LIG1: variants seen among roughly 807,000 people sequenced by gnomAD.
The protein encoded by LIG1 is ligase I, DNA, ATP-dependent.
Under a neutral mutation model 115.7 loss-of-function variants are expected in LIG1, and 70 were observed. The ratio of observed to expected loss-of-function variants is 0.60; its 90% CI spans 0.50 to 0.74. LIG1 has a LOEUF of 0.74. LIG1 is among the 30% of genes least tolerant of loss of function. The probability of loss-of-function intolerance (pLI) is 0.00; values close to 1 mark genes in which losing one functional copy is unlikely to be tolerated. For missense variants in LIG1, 1,115 were observed against 1,225.6 expected, an observed-to-expected ratio of 0.91 and a Z score of 1.35; for synonymous variants, 487 against 495.3, an observed-to-expected ratio of 0.98 and a Z score of 0.22.
At chr19:48,136,782 C>T (rs2034418331) in intron 14 of LIG1, among the ~76,000 whole-genome samples, 1 of 152,238 alleles carries the variant, frequency 6.6e-6, no homozygotes, top group South Asian at 2.1e-4. Flanking sequence ...GCTTCACCCA[C>T]AGGGGCCCAG....
chr19:48,140,826 A>G (rs759967242), intron 11 of LIG1, among the ~76,000 whole-genome samples: 2 of 151,964 alleles, frequency 1.3e-5, no homozygotes, highest in African/African-American at 4.8e-5. Flanking sequence ...CTCCCCACTT[A>G]CCAAGCCCCT....
intron 11 of LIG1, 104 bp from the exon 12 acceptor site, chr19:48,140,247 A>C: frequency 1.3e-6 from 1 of 752,778 alleles, no homozygotes; most frequent in Non-Finnish European, 2.2e-6. Context: ...GAAATGGAGA[A>C]AGAAGAGGAA....
At chr19:48,125,856 T>G (rs1036709246) in intron 21 of LIG1, among the ~76,000 whole-genome samples, 11 of 151,840 alleles carry the variant, frequency 7.2e-5, no homozygotes, top group African/African-American at 2.7e-4. Context: ...GGCGTGGTGG[T>G]GCACGCCTGT....
At position 48,151,117 on chromosome 19, in the gene LIG1, C is replaced by A. The variant is rs2035446915; in HGVS notation, c.574+115G>T. ...AAAACTATTATTCTTCTAGATTCGG[C>A]ATTTAAGCAATAAGTTTGAGAATCT... On this transcript the variant is annotated intron_variant, in intron 7 of 27. Coordinates refer to ENST00000263274, the MANE Select transcript of LIG1 (RefSeq NM_000234.3). The A allele has an allele frequency of 4.5e-6, 3 of 671,596 alleles. No homozygotes were observed. In the African/African-American group the frequency reaches 5.4e-5, roughly 12 times the overall value. The allele number at this position is 671,596 out of a possible 1,614,324, so 41.6% of individuals were successfully genotyped here.
At chr19:48,162,203 C>T in intron 3 of LIG1, 59 bp downstream of exon 3, 1 of 1,497,816 alleles carries the variant, frequency 6.7e-7, no homozygotes, top group Non-Finnish European at 9.3e-7. Context: ...ACACTTGCAA[C>T]CAAGACAATC....
In LIG1 at chr19:48,117,744, A is replaced by G; in HGVS notation, c.2477T>C (p.Ile826Thr). 1.2e-6 allele frequency: 2 copies of G among 1,613,236 alleles called. No homozygotes were observed. Among genetic ancestry groups the G allele is most frequent in the Non-Finnish European group, 1.7e-6 (2 of 1,179,822 alleles). Reference protein sequence around the residue: ...VLPSPRPYVRIDGAVIPDHWL... With the variant: ...VLPSPRPYVRTDGAVIPDHWL... ...GTGGTCGGGAATCACAGCGCCATCT[A>G]TCCGCACGTAAGGGCGTGGGCTGGG... Residue 826 changes from isoleucine (I) to threonine (T), a missense_variant, in exon 26 of 28, where the codon ATA becomes ACA. Coordinates refer to ENST00000263274, the MANE Select transcript of LIG1 (RefSeq NM_000234.3).
intron 8 of LIG1, 111 bp from the exon 9 acceptor site, chr19:48,149,952 T>C (rs1055593469): frequency 1.0e-4 from 163 of 1,553,844 alleles, no homozygotes; most frequent in South Asian, 5.3e-4. Context: ...GGAGACAGGC[T>C]GGTAGAGACA....
chr19:48,129,112 G>A (rs73054038), intron 19 of LIG1, among the ~76,000 whole-genome samples: 21,184 of 151,876 alleles, frequency 0.14, 1,898 homozygotes, highest in Middle Eastern at 0.26. Flanking sequence ...GCGTGCAGTG[G>A]TGCAATCTCC....
At position 48,161,379 on chromosome 19, in the gene LIG1, T is replaced by G. The variant is rs1369310008; in HGVS notation, c.236A>C (p.Lys79Thr). The G allele has an allele frequency of 6.2e-7, 1 of 1,614,162 alleles. No homozygotes were observed. The highest frequency in any genetic ancestry group is 2.2e-5 in the East Asian group (1 of 44,866). The change falls in exon 4 of 28, where the codon AAA becomes ACA. Residue 79 changes from lysine to threonine, a missense_variant. By Grantham distance (78) the Lys-to-Thr change is moderately conservative (BLOSUM62 -1). Coordinates refer to ENST00000263274, the MANE Select transcript of LIG1 (RefSeq NM_000234.3). The stretch of plus-strand genomic sequence containing the variant: ...AGGGTGATGGGGACCTACCTGGCCT[T>G]TAGCAGGGCTAAGGGCTTCATCCTC... ...EEEDEALSPA[K>T]GQKPALDCSQ...
rs546667226 is a variant in LIG1 at position 48,150,263 on chromosome 19, T to G, written c.575-53A>C. The G allele has an allele frequency of 1.5e-5, 24 of 1,611,484 alleles. No homozygotes were observed. The East Asian group carries it at 4.9e-4, about 33-fold the overall frequency. On this transcript the variant is annotated intron_variant, in intron 7 of 27. Coordinates refer to ENST00000263274, the MANE Select transcript of LIG1 (RefSeq NM_000234.3). ...GCAAACTCTTTGACCCTGAGACTTTTTTTTTCTTTTTTTTTACCCCCAAGA... is the reference window on the plus strand; with the variant it reads ...GCAAACTCTTTGACCCTGAGACTTTGTTTTTCTTTTTTTTTACCCCCAAGA...
chr19:48,144,671 T>G (rs1483837064), intron 9 of LIG1, among the ~76,000 whole-genome samples: 1 of 152,106 alleles, frequency 6.6e-6, no homozygotes, highest in East Asian at 1.9e-4. Flanking sequence ...CTGGCTGATT[T>G]TTTTGTATTT....
Position 48,137,548 on chromosome 19 carries a change from C to G in LIG1, c.1228G>C (p.Asp410His). The change falls in exon 13 of 28, where the codon GAC becomes CAC. Residue 410 changes from aspartate (D) to histidine (H), a missense_variant. Coordinates refer to ENST00000263274, the MANE Select transcript of LIG1 (RefSeq NM_000234.3). The surrounding 1 kb of genome is among the most constrained non-coding windows in gnomAD (Gnocchi z 4.3). ...TASGVFSKFR[D>H]IARLTGSAST... The stretch of plus-strand genomic sequence containing the variant: ...GCACTGCCAGTGAGCCTGGCGATGT[C>G]GCGGAACTTGCTGAAGACCCCGGAG... 1.2e-6 allele frequency: 2 copies of G among 1,613,278 alleles called. No homozygotes were observed. The highest frequency in any genetic ancestry group is 2.2e-5 in the South Asian group (2 of 91,082).
In LIG1 at chr19:48,122,343, GT is replaced by G. The variant is rs2033344129; in HGVS notation, c.2232+590del. 6.2e-6 allele frequency: 1 copy of G among 161,944 alleles called. No individual in the cohort carries two copies. Among genetic ancestry groups the G allele is most frequent in the African/African-American group, 2.4e-5 (1 of 41,568 alleles). The allele number at this position is 161,944 out of a possible 1,614,324, so 10.0% of individuals were successfully genotyped here. A position where few individuals can be genotyped will look rare whatever the true frequency, so the allele number is the denominator to read the frequency against. On this transcript the variant is annotated intron_variant, in intron 23 of 27. Transcript: ENST00000263274. This position sits in a 1 kb window ranked among gnomAD's most constrained non-coding sequence, Gnocchi z 4.3. Reference sequence around the variant, plus strand: ...CTGAAACCTTCAAGAGGAAGATCCAGTTTTATCTCACAGTGGCCCCAGGTGC... The same window carrying G: ...CTGAAACCTTCAAGAGGAAGATCCAGTTTATCTCACAGTGGCCCCAGGTGC...
In LIG1 at chr19:48,115,588, A is replaced by G. The variant is rs2032735278; in HGVS notation, c.*61T>C. On this transcript the variant is annotated 3_prime_UTR_variant, in exon 28 of 28. Transcript: ENST00000263274. ...GCAGATTTGCTAAAAAGCAAAGGCA[A>G]TAATAACCCTGGGGTCCGTCCAACT... 3.9e-6 allele frequency: 5 copies of G among 1,277,456 alleles called. No individual in the cohort carries two copies. The highest frequency in any genetic ancestry group is 2.3e-5 in the East Asian group (1 of 43,260). The allele number at this position is 1,277,456 out of a possible 1,614,324, so 79.1% of individuals were successfully genotyped here. A position where few individuals can be genotyped will look rare whatever the true frequency, so the allele number is the denominator to read the frequency against.
intron 24 of LIG1, chr19:48,120,665 G>A (rs954350523): frequency 9.9e-6 from 6 of 605,028 alleles, no homozygotes; most frequent in Non-Finnish European, 1.2e-5. Context: ...TTGAGCAGAA[G>A]GTGTTCACTG....
rs915097685 is a variant in LIG1 at position 48,136,203 on chromosome 19, G to A, written c.1332-78C>T. On this transcript the variant is annotated intron_variant, in intron 14 of 27. Transcript: ENST00000263274. ...GCCTCCTCCCTTCTCTGATCTCCTC[G>A]ACCTTGATGTATGTAGACCCTCTCC... 9.2e-6 allele frequency: 10 copies of A among 1,092,414 alleles called. No individual in the cohort carries two copies. The African/African-American group carries it at 9.4e-5, about 10-fold the overall frequency. The allele number at this position is 1,092,414 out of a possible 1,614,324, so 67.7% of individuals were successfully genotyped here.
In LIG1 at chr19:48,150,114, G is replaced by A. The variant is rs1384960750; in HGVS notation, c.671C>T (p.Ala224Val). ...GAAGAAGCTGCTGAGCGTCTTGGGA[G>A]CTCTGCGGGGAGGCTTGGTCTGCTC... ...EEEQTKPPRR[A>V]PKTLSSFFTP... The change falls in exon 8 of 28, where the codon GCT becomes GTT. Residue 224 changes from alanine to valine, a missense_variant. Coordinates refer to ENST00000263274, the MANE Select transcript of LIG1 (RefSeq NM_000234.3). The A allele has an allele frequency of 1.9e-6, 3 of 1,614,202 alleles. No homozygotes were observed. The highest frequency in any genetic ancestry group is 4.5e-5 in the East Asian group (2 of 44,880).
At chr19:48,136,874 T>C (rs1345804560) in intron 14 of LIG1, 134 bp downstream of exon 14, 1 of 761,132 alleles carries the variant, frequency 1.3e-6, no homozygotes, top group East Asian at 2.7e-5. Flanking sequence ...CTTTAGGGGC[T>C]GGGCCTCCTG....
rs2035055629 is a variant in LIG1, at chr19:48,145,470, A to C, written c.777-1507T>G. Among the ~76,000 whole-genome samples, 3 of 152,178 alleles carry C rather than the reference A, an allele frequency of 2.0e-5. No homozygotes were observed. The South Asian group carries it at 6.2e-4, about 31-fold the overall frequency. On this transcript the variant is annotated intron_variant, in intron 9 of 27. Coordinates refer to ENST00000263274, the MANE Select transcript of LIG1 (RefSeq NM_000234.3). ...GAGGACTCCCCAGCCCCAGGCCTAC[A>C]TCTGTACCAAAATGGGGACAAGGGT...
Sources: gnomAD v4.1 joint callset for allele counts (sites outside exome capture counted in the v4.1 genomes callset) on GRCh38, gnomAD v4.1.1 for gene constraint, Gnocchi (gnomAD v3.1) non-coding constraint, MANE v1.5 for transcripts, NCBI Gene and HGNC (gene_info 2026-07-23, HGNC 2026-07-21) for gene names.